NDUFS7: variants seen among roughly 807,000 people sequenced by gnomAD.
NDUFS7 encodes the protein NADH:ubiquinone oxidoreductase core subunit S7, also known as NADH dehydrogenase [ubiquinone] iron-sulfur protein 7, mitochondrial.
NDUFS7 carries 11 observed loss-of-function variants against 31.1 expected under a neutral mutation model. The observed-to-expected ratio is 0.35, with a 90% confidence interval of 0.22 to 0.59. NDUFS7 has a LOEUF of 0.59. NDUFS7 is among the 20% of genes least tolerant of loss of function. NDUFS7 has a pLI of 0.79. For synonymous variants in NDUFS7, 136 were observed against 127.9 expected (o/e 1.06, Z -0.43); for missense variants, 263 against 324.2 (o/e 0.81, Z 1.45).
intron 6 of NDUFS7, chr19:1,391,867 A>G (rs190844278): frequency 6.6e-5 from 10 of 151,336 alleles, no homozygotes; most frequent in Admixed American, 2.0e-4. Flanking sequence ...TATTTACTTA[A>G]AGATGGAGTC....
chr19:1,391,371 C>T (rs759533286), intron 6 of NDUFS7, among the ~76,000 whole-genome samples: 1 of 152,222 alleles, frequency 6.6e-6, no homozygotes, highest in African/African-American at 2.4e-5. Flanking sequence ...CATCCACCCC[C>T]ACGCAGCAGA....
At chr19:1,394,520 CT>C in intron 7 of NDUFS7, 1 of 1,265,480 alleles carries the variant, frequency 7.9e-7, no homozygotes, top group Non-Finnish European at 1.0e-6. Context: ...GTGCTCCTCC[CT>C]CCCTCCCTGC....
intron 1 of NDUFS7, among the ~76,000 whole-genome samples, chr19:1,385,484 T>C (rs1455574364): frequency 6.8e-6 from 1 of 146,862 alleles, no homozygotes; most frequent in Non-Finnish European, 1.5e-5. Flanking sequence ...TTGCACTCCA[T>C]CCTGGGCAAC....
In NDUFS7 at chr19:1,388,629, C is replaced by T. The variant is rs370279289; in HGVS notation, c.122+36C>T. The stretch of plus-strand genomic sequence containing the variant: ...CCTTCTGGGGGAGGTCGTACCCCCT[C>T]GCCCCACCCCCATCCCTTCCTTATT... On this transcript the variant is annotated intron_variant, in intron 3 of 7. Transcript: ENST00000233627. The T allele has an allele frequency of 4.1e-4, 642 of 1,584,372 alleles. 1 individual carries two copies. The highest frequency in any genetic ancestry group is 4.1e-4 in the Admixed American group (24 of 59,126).
intron 7 of NDUFS7, chr19:1,394,120 C>G (rs752065181): frequency 8.8e-6 from 3 of 339,420 alleles, no homozygotes; most frequent in African/African-American, 2.2e-5. Context: ...CCCTGAGTCC[C>G]GAGTCTGGGG....
chr19:1,393,269 C>G lies in NDUFS7; in HGVS notation c.483C>G (p.His161Gln), dbSNP rs1057521348. 1.3e-6 allele frequency: 2 copies of G among 1,584,974 alleles called. No individual in the cohort carries two copies. Among genetic ancestry groups the G allele is most frequent in the Non-Finnish European group, 1.7e-6 (2 of 1,166,626 alleles). ...GSCANGGGYY[H>Q]YSYSVVRGCD... The stretch of plus-strand genomic sequence containing the variant: ...GCGCCAACGGAGGAGGCTACTACCA[C>G]TATTCCTACTCGGTGGTGAGGGGCT... Residue 161 changes from histidine to glutamine, a missense_variant, in exon 7 of 8, where the codon CAC becomes CAG. His to Gln is a conservative substitution (Grantham distance 24). Coordinates refer to ENST00000233627, the MANE Select transcript of NDUFS7 (RefSeq NM_024407.5). The surrounding 1 kb of genome is among the most constrained non-coding windows in gnomAD (Gnocchi z 7.3).
chr19:1,393,393 C>T lies in NDUFS7; in HGVS notation c.544+63C>T, dbSNP rs758658170. On this transcript the variant is annotated intron_variant, in intron 7 of 7. Transcript: ENST00000233627. This position sits in a 1 kb window ranked among gnomAD's most constrained non-coding sequence, Gnocchi z 7.3. ...GACAGGGCCAGCGCCACACGGAGCCCGGCGGCCCCTGTGAGGGAGTCCCAC... is the reference window on the plus strand; with the variant it reads ...GACAGGGCCAGCGCCACACGGAGCCTGGCGGCCCCTGTGAGGGAGTCCCAC... 430 of 1,430,842 alleles carry T rather than the reference C, an allele frequency of 3.0e-4. 1 individual carries two copies. Among genetic ancestry groups the T allele is most frequent in the Non-Finnish European group, 3.7e-4 (386 of 1,047,150 alleles). 88.6% of individuals were successfully genotyped at this position (1,430,842 alleles called of 1,614,324 possible).
At position 1,393,396 on chromosome 19, in the gene NDUFS7, C is replaced by A; in HGVS notation, c.544+66C>A. The A allele has an allele frequency of 7.1e-7, 1 of 1,414,542 alleles. No individual in the cohort carries two copies. Among genetic ancestry groups the A allele is most frequent in the Non-Finnish European group, 9.7e-7 (1 of 1,032,738 alleles). The allele number at this position is 1,414,542 out of a possible 1,614,324, so 87.6% of individuals were successfully genotyped here. A position where few individuals can be genotyped will look rare whatever the true frequency, so the allele number is the denominator to read the frequency against. On this transcript the variant is annotated intron_variant, in intron 7 of 7. Coordinates refer to ENST00000233627, the MANE Select transcript of NDUFS7 (RefSeq NM_024407.5). This position sits in a 1 kb window ranked among gnomAD's most constrained non-coding sequence, Gnocchi z 7.3. ...AGGGCCAGCGCCACACGGAGCCCGG[C>A]GGCCCCTGTGAGGGAGTCCCACACC... is the stretch of plus-strand genomic sequence containing the variant.
chr19:1,389,903 TTTTC>T (rs1390672796), intron 4 of NDUFS7: 2 of 207,642 alleles, frequency 9.6e-6, no homozygotes, highest in South Asian at 6.7e-5. Flanking sequence ...TTTTCTTTTC[TTTTC>T]TTTTTTTTTT....
intron 7 of NDUFS7, chr19:1,394,592 C>T (rs1008310875): frequency 1.6e-6 from 2 of 1,225,012 alleles, no homozygotes; most frequent in Admixed American, 5.2e-5. Context: ...CGCGCTCGGC[C>T]CTCCCTGGGG....
At position 1,393,221 on chromosome 19, in the gene NDUFS7, C is replaced by G; in HGVS notation, c.456-21C>G. The G allele has an allele frequency of 6.5e-7, 1 of 1,547,636 alleles. No individual in the cohort carries two copies. Among genetic ancestry groups the G allele is most frequent in the Non-Finnish European group, 8.7e-7 (1 of 1,146,142 alleles). On this transcript the variant is annotated intron_variant, in intron 6 of 7. Coordinates refer to ENST00000233627, the MANE Select transcript of NDUFS7 (RefSeq NM_024407.5). The surrounding 1 kb of genome is among the most constrained non-coding windows in gnomAD (Gnocchi z 7.3). ...GCAGGCGGGTCTTCGGCACACTCCC[C>G]TCACGGTGCCTCCCCAACAGCTGCG...
At chr19:1,389,456 C>T (rs1350509064) in intron 4 of NDUFS7, 5 of 457,754 alleles carry the variant, frequency 1.1e-5, no homozygotes, top group Non-Finnish European at 2.2e-5. Flanking sequence ...CTCCCGGAGG[C>T]CCCTGTGCTG....
chr19:1,394,859 C>T, intron 7 of NDUFS7: 1 of 1,144,174 alleles, frequency 8.7e-7, no homozygotes, highest in Admixed American at 4.4e-5. Flanking sequence ...CTTGCTCAAG[C>T]CCTTTGTTCT....
At chr19:1,392,443 C>T (rs989906547) in intron 6 of NDUFS7, 8 of 152,322 alleles carry the variant, frequency 5.3e-5, no homozygotes, top group Non-Finnish European at 1.2e-4. Flanking sequence ...AATGCTGTCC[C>T]CATCAGCAGT....
intron 4 of NDUFS7, chr19:1,389,886 C>G (rs1227273824): frequency 1.4e-5 from 3 of 211,006 alleles, no homozygotes; most frequent in South Asian, 6.5e-5. Context: ...CAGGATAGTT[C>G]TTTTCTTTTT....
chr19:1,389,211 A>C lies in NDUFS7; in HGVS notation c.228+273A>C, dbSNP rs923290716. 5.9e-6 allele frequency: 4 copies of C among 681,430 alleles called. No homozygotes were observed. The African/African-American group carries it at 7.1e-5, about 12-fold the overall frequency. 42.2% of individuals were successfully genotyped at this position (681,430 alleles called of 1,614,324 possible). A position where few individuals can be genotyped will look rare whatever the true frequency, so the allele number is the denominator to read the frequency against. On this transcript the variant is annotated intron_variant, in intron 4 of 7. Transcript: ENST00000233627. ...CAAGCACATGTGCACACACGCTTGC[A>C]CACATACACACATGCACACTTGCAC...
In NDUFS7 at chr19:1,390,946, G is replaced by A. The variant is rs1568992973; in HGVS notation, c.304G>A (p.Asp102Asn). The A allele has an allele frequency of 4.3e-6, 7 of 1,612,664 alleles. No homozygotes were observed. Among genetic ancestry groups the A allele is most frequent in the Non-Finnish European group, 5.9e-6 (7 of 1,179,888 alleles). Residue 102 changes from aspartate (D) to asparagine (N), a missense_variant, in exon 5 of 8, where the codon GAC (aspartate) becomes AAC (asparagine). By Grantham distance (23) the Asp-to-Asn change is conservative. Transcript: ENST00000233627. ...EMMHMAAPRY[D>N]MDRFGVVFRA... ...GATGCACATGGCAGCACCCCGCTAC[G>A]ACATGGACCGCTTTGGCGTGGTCTT...
intron 4 of NDUFS7, chr19:1,389,831 G>A (rs537868849): frequency 5.1e-5 from 16 of 316,486 alleles, no homozygotes; most frequent in African/African-American, 2.8e-4. Flanking sequence ...CACGGCGAAC[G>A]TCCTGCCAGG....
At chr19:1,394,232 C>T (rs1014391464) in intron 7 of NDUFS7, 30 of 513,510 alleles carry the variant, frequency 5.8e-5, no homozygotes, top group African/African-American at 3.8e-4. Context: ...ATTTGTTCAG[C>T]GTTCTGCACG....
Sources: gnomAD v4.1 joint callset for allele counts (sites outside exome capture counted in the v4.1 genomes callset) on GRCh38, gnomAD v4.1.1 for gene constraint, Gnocchi (gnomAD v3.1) non-coding constraint, MANE v1.5 for transcripts, NCBI Gene and HGNC (gene_info 2026-07-23, HGNC 2026-07-21) for gene names.